Variants in CBFA2T2 observed in about 807,000 individuals in gnomAD.
CBFA2T2 encodes the protein protein CBFA2T2.
A neutral mutation model predicts 62.2 loss-of-function variants in CBFA2T2; 11 were observed. The observed-to-expected ratio is 0.18, with a 90% confidence interval of 0.11 to 0.29. CBFA2T2 has a LOEUF of 0.29. Ranked by LOEUF, CBFA2T2 falls within the 10% of genes least tolerant of loss-of-function variation. The probability of loss-of-function intolerance (pLI) is 1.00; values close to 1 mark genes in which losing one functional copy is unlikely to be tolerated. For missense variants in CBFA2T2, 592 were observed against 774.1 expected (o/e 0.76, Z 2.79); for synonymous variants, 295 against 287.5 (o/e 1.03, Z -0.27).
chr20:33,637,483 AT>A (rs2016670880), intron 9 of CBFA2T2, among the ~76,000 whole-genome samples: 1 of 152,194 alleles, frequency 6.6e-6, no homozygotes, highest in South Asian at 2.1e-4. Flanking sequence ...ATTGCAAAAT[AT>A]TTTTCCTTAC....
At chr20:33,606,661 C>A (rs948058300) in intron 1 of CBFA2T2, among the ~76,000 whole-genome samples, 1 of 152,110 alleles carries the variant, frequency 6.6e-6, no homozygotes, top group Non-Finnish European at 1.5e-5. Context: ...GTGTCTGTGT[C>A]TCATCCCTTC....
chr20:33,535,103 C>T (rs890403731), intron 1 of CBFA2T2, among the ~76,000 whole-genome samples: 2 of 152,168 alleles, frequency 1.3e-5, no homozygotes, highest in Non-Finnish European at 2.9e-5. Flanking sequence ...GCTGGGCATC[C>T]TGCCATTTAT....
At chr20:33,636,426 C>T (rs17124853) in intron 8 of CBFA2T2, among the ~76,000 whole-genome samples, 21,582 of 152,076 alleles carry the variant, frequency 0.14, 1,997 homozygotes, top group East Asian at 0.39. Context: ...CTTTGAAATA[C>T]TGTTAATTTG....
chr20:33,595,053 A>G (rs577344156), intron 1 of CBFA2T2, among the ~76,000 whole-genome samples: 34 of 152,200 alleles, frequency 2.2e-4, no homozygotes, highest in African/African-American at 6.7e-4. Flanking sequence ...CTGTGTTGCT[A>G]CTGTTTTTAA....
chr20:33,549,984 CTTTGT>C (rs1183003076), intron 1 of CBFA2T2, among the ~76,000 whole-genome samples: 3 of 149,524 alleles, frequency 2.0e-5, no homozygotes, highest in South Asian at 2.1e-4. Context: ...CAGCATCCTT[CTTTGT>C]TTTAAGTTTA....
At chr20:33,509,476 A>G (rs930760075) in intron 1 of CBFA2T2, among the ~76,000 whole-genome samples, 5 of 152,294 alleles carry the variant, frequency 3.3e-5, no homozygotes, top group African/African-American at 1.2e-4. Context: ...GATGTTTTTA[A>G]AAGGAAACCT....
intron 1 of CBFA2T2, among the ~76,000 whole-genome samples, chr20:33,545,023 A>AACAGAACAGAACAG (rs2012511122): frequency 6.6e-6 from 1 of 151,032 alleles, no homozygotes; most frequent in African/African-American, 2.4e-5. Context: ...AACAGAACAG[A>AACAGAACAGAACAG]ATGCAAGGTA....
chr20:33,637,978 T>G (rs1343063130), intron 9 of CBFA2T2, among the ~76,000 whole-genome samples: 1 of 134,768 alleles, frequency 7.4e-6, no homozygotes, highest in Admixed American at 7.6e-5. Context: ...TTTTTTTTTT[T>G]TTTTTTTTTT....
intron 1 of CBFA2T2, among the ~76,000 whole-genome samples, chr20:33,512,739 C>T (rs993773055): frequency 4.6e-5 from 7 of 150,792 alleles, no homozygotes; most frequent in South Asian, 2.1e-4. Context: ...TGTGGGTGCA[C>T]GTATGTATGT....
At chr20:33,598,026 G>T (rs1433618450) in intron 1 of CBFA2T2, among the ~76,000 whole-genome samples, 1 of 152,096 alleles carries the variant, frequency 6.6e-6, no homozygotes, top group Non-Finnish European at 1.5e-5. Context: ...TTTTATTAGG[G>T]AGTTTCAAAA....
At chr20:33,585,547 C>T (rs2014327804) in intron 1 of CBFA2T2, among the ~76,000 whole-genome samples, 1 of 152,146 alleles carries the variant, frequency 6.6e-6, no homozygotes, top group African/African-American at 2.4e-5. Context: ...TAACCATTCT[C>T]TTGTGGTATA....
chr20:33,579,968 CCAT>C (rs996151291), intron 1 of CBFA2T2, among the ~76,000 whole-genome samples: 3 of 152,036 alleles, frequency 2.0e-5, no homozygotes, highest in African/African-American at 7.2e-5. Context: ...GCATGCACCA[CCAT>C]GTCTGACTAA....
At chr20:33,621,579 G>A (rs747580965) in intron 4 of CBFA2T2, among the ~76,000 whole-genome samples, 2 of 152,054 alleles carry the variant, frequency 1.3e-5, no homozygotes, top group Non-Finnish European at 1.5e-5. Flanking sequence ...GGGATTACAC[G>A]TGTGAGCCAC....
chr20:33,532,885 G>C (rs2012099696), intron 1 of CBFA2T2, among the ~76,000 whole-genome samples: 1 of 152,138 alleles, frequency 6.6e-6, no homozygotes, highest in Non-Finnish European at 1.5e-5. Flanking sequence ...GTCTTCTGCT[G>C]TTTCTCAAGG....
intron 1 of CBFA2T2, among the ~76,000 whole-genome samples, chr20:33,587,737 A>G (rs919477252): frequency 1.3e-5 from 2 of 152,214 alleles, no homozygotes; most frequent in African/African-American, 4.8e-5. Context: ...AACTGGACCT[A>G]TGTGGAAAAG....
chr20:33,568,903 A>G (rs1205416781), intron 1 of CBFA2T2, among the ~76,000 whole-genome samples: 1 of 152,170 alleles, frequency 6.6e-6, no homozygotes, highest in Non-Finnish European at 1.5e-5. Flanking sequence ...TTGGCGCTAC[A>G]ACTGTGATGA....
chr20:33,568,759 G>A (rs1032924003), intron 1 of CBFA2T2, among the ~76,000 whole-genome samples: 5 of 152,108 alleles, frequency 3.3e-5, no homozygotes, highest in Admixed American at 6.5e-5. Context: ...CCACCCTTGC[G>A]CTTGATTACT....
At chr20:33,518,491 G>A (rs889825900) in intron 1 of CBFA2T2, among the ~76,000 whole-genome samples, 5 of 151,830 alleles carry the variant, frequency 3.3e-5, no homozygotes, top group African/African-American at 7.3e-5. Flanking sequence ...GACCAGGCAC[G>A]GTGGCTCACT....
chr20:33,632,515 C>T (rs1369768028), intron 8 of CBFA2T2, among the ~76,000 whole-genome samples: 1 of 148,760 alleles, frequency 6.7e-6, no homozygotes, highest in Admixed American at 6.7e-5. Context: ...GTTGCCCAGG[C>T]TGGAGTGCAG....
Sources: allele counts gnomAD v4.1 joint callset (sites outside exome capture counted in the v4.1 genomes callset), GRCh38; gene constraint gnomAD v4.1.1; transcripts MANE v1.5; gene names NCBI Gene and HGNC (gene_info 2026-07-23, HGNC 2026-07-21).